RORA: variants seen among roughly 807,000 people sequenced by gnomAD.
RORA encodes the protein RAR related orphan receptor A.
In RORA, 7 loss-of-function variants were observed where a neutral mutation model predicts 69.5. The ratio of observed to expected loss-of-function variants is 0.10; its 90% CI spans 0.06 to 0.19. RORA has a LOEUF of 0.19. RORA is among the 10% of genes least tolerant of loss of function. The pLI is 1.00. For missense variants in RORA, 457 were observed against 663.0 expected (o/e 0.69, Z 3.41); for synonymous variants, 261 against 240.8 (o/e 1.08, Z -0.78).
intron 1 of RORA, among the ~76,000 whole-genome samples, chr15:60,803,270 TC>T (rs2072612641): frequency 6.6e-6 from 1 of 152,220 alleles, no homozygotes. Flanking sequence ...ATCCTGAGCT[TC>T]GGCCCCTTCG....
At chr15:60,892,957 C>T (rs572815736) in intron 1 of RORA, among the ~76,000 whole-genome samples, 27 of 152,326 alleles carry the variant, frequency 1.8e-4, no homozygotes, top group African/African-American at 6.0e-4. Flanking sequence ...AAACACATAA[C>T]ATTTGCCTGC....
chr15:60,691,011 G>A (rs1343350020), intron 1 of RORA, among the ~76,000 whole-genome samples: 2 of 152,132 alleles, frequency 1.3e-5, no homozygotes, highest in South Asian at 2.1e-4. Context: ...CTGGTTCTCC[G>A]ACCTAGTGTC....
intron 1 of RORA, among the ~76,000 whole-genome samples, chr15:61,007,236 T>G (rs1894937484): frequency 1.3e-5 from 2 of 152,180 alleles, no homozygotes; most frequent in African/African-American, 4.8e-5. Context: ...GTTGGTTGTT[T>G]TGGGTGTATA....
chr15:61,102,729 C>T (rs375846105), intron 1 of RORA, among the ~76,000 whole-genome samples: 2 of 152,216 alleles, frequency 1.3e-5, no homozygotes, highest in Non-Finnish European at 2.9e-5. Flanking sequence ...GCCTCCTACA[C>T]TGAAGCATGC....
intron 1 of RORA, among the ~76,000 whole-genome samples, chr15:60,775,140 T>A (rs1377941203): frequency 1.3e-5 from 2 of 152,208 alleles, no homozygotes; most frequent in Non-Finnish European, 2.9e-5. Flanking sequence ...CGTAAACTTG[T>A]GTCGGGCTTC....
chr15:61,030,915 TTATGTA>T (rs924938279), intron 1 of RORA, among the ~76,000 whole-genome samples: 14 of 152,182 alleles, frequency 9.2e-5, no homozygotes, highest in Admixed American at 2.0e-4. Context: ...GAAAGTCAGT[TTATGTA>T]TATGTATATG....
intron 1 of RORA, among the ~76,000 whole-genome samples, chr15:60,752,089 TA>T (rs34235439): frequency 7.5e-5 from 11 of 147,056 alleles, no homozygotes; most frequent in African/African-American, 1.0e-4. Context: ...TTTGACTTGC[TA>T]AAAAAAAAAT....
At chr15:60,526,279 A>G (rs2066353284) in intron 3 of RORA, among the ~76,000 whole-genome samples, 1 of 152,154 alleles carries the variant, frequency 6.6e-6, no homozygotes, top group African/African-American at 2.4e-5. Flanking sequence ...GTAAGTGTCG[A>G]TATCTGCTTT....
At chr15:60,832,219 A>G (rs1475374005) in intron 1 of RORA, among the ~76,000 whole-genome samples, 1 of 152,112 alleles carries the variant, frequency 6.6e-6, no homozygotes, top group Non-Finnish European at 1.5e-5. Flanking sequence ...GAAGCACACA[A>G]CTTTCAGGTG....
chr15:60,692,519 G>A (rs758957949), intron 1 of RORA, among the ~76,000 whole-genome samples: 1 of 152,180 alleles, frequency 6.6e-6, no homozygotes, highest in Non-Finnish European at 1.5e-5. Flanking sequence ...GAATGTGAGA[G>A]CACTGGGCAT....
At chr15:61,062,208 C>G (rs1019094543) in intron 1 of RORA, among the ~76,000 whole-genome samples, 3 of 152,222 alleles carry the variant, frequency 2.0e-5, no homozygotes, top group East Asian at 1.9e-4. Context: ...TGTCCCCACA[C>G]AGGGTTTTTG....
At chr15:60,693,437 A>G (rs929665652) in intron 1 of RORA, among the ~76,000 whole-genome samples, 5 of 152,214 alleles carry the variant, frequency 3.3e-5, no homozygotes. Context: ...ATAGTATTGG[A>G]AATTCTGGCC....
At chr15:60,932,510 A>G (rs1892403234) in intron 1 of RORA, among the ~76,000 whole-genome samples, 1 of 152,200 alleles carries the variant, frequency 6.6e-6, no homozygotes, top group Non-Finnish European at 1.5e-5. Context: ...CCAAGGGCCA[A>G]GTTTCTCCAT....
intron 1 of RORA, among the ~76,000 whole-genome samples, chr15:61,074,980 G>A (rs959210787): frequency 3.3e-5 from 5 of 151,818 alleles, no homozygotes; most frequent in Admixed American, 1.3e-4. Context: ...CCAGCTACTC[G>A]GGAGGCTGAG....
chr15:60,511,267 G>A lies in RORA; in HGVS notation c.779C>T (p.Thr260Ile). The A allele has an allele frequency of 1.2e-6, 2 of 1,614,154 alleles. No individual in the cohort carries two copies. The highest frequency in any genetic ancestry group is 1.7e-6 in the Non-Finnish European group (2 of 1,179,992). The change falls in exon 5 of 11, where the codon ACC becomes ATC. Residue 260 changes from threonine to isoleucine, a missense_variant. By Grantham distance (89) the Thr-to-Ile change is moderately conservative. Transcript: ENST00000335670. This position sits in a 1 kb window ranked among gnomAD's most constrained non-coding sequence, Gnocchi z 6.4. The part of the protein sequence containing the change: ...ASGFFPYCSF[T>I]NGETSPTVSM... Reference sequence around the variant, plus strand: ...CACAGTTGGGGAAGTCTCGCCGTTGGTGAACGAACAGTAGGGAAAGAAGCC... The same window carrying A: ...CACAGTTGGGGAAGTCTCGCCGTTGATGAACGAACAGTAGGGAAAGAAGCC...
At chr15:61,030,694 C>A (rs568932193) in intron 1 of RORA, among the ~76,000 whole-genome samples, 1 of 152,212 alleles carries the variant, frequency 6.6e-6, no homozygotes, top group South Asian at 2.1e-4. Flanking sequence ...CAAAACAATG[C>A]CGTGACTTTT....
intron 2 of RORA, among the ~76,000 whole-genome samples, chr15:60,645,592 C>T (rs1304452706): frequency 2.0e-5 from 3 of 151,962 alleles, no homozygotes; most frequent in Admixed American, 6.6e-5. Context: ...GGGGTTTCAC[C>T]GTGTTGCCCA....
At chr15:60,638,613 G>A (rs2069883069) in intron 2 of RORA, among the ~76,000 whole-genome samples, 1 of 152,090 alleles carries the variant, frequency 6.6e-6, no homozygotes, top group South Asian at 2.1e-4. Context: ...GCTAAACCAA[G>A]TGCTTTTCCT....
chr15:61,045,498 G>A (rs2140483692), intron 1 of RORA, among the ~76,000 whole-genome samples: 1 of 152,340 alleles, frequency 6.6e-6, no homozygotes, highest in Admixed American at 6.5e-5. Flanking sequence ...CTGCGCTGAA[G>A]TAAAAAGGCT....
Sources: gnomAD v4.1 joint callset for allele counts (sites outside exome capture counted in the v4.1 genomes callset) on GRCh38, gnomAD v4.1.1 for gene constraint, Gnocchi (gnomAD v3.1) non-coding constraint, MANE v1.5 for transcripts, NCBI Gene and HGNC (gene_info 2026-07-23, HGNC 2026-07-21) for gene names.